The following SPAG16 variants were observed in gnomAD, a reference collection of about 807,000 sequenced individuals.
SPAG16 encodes the protein sperm-associated antigen 16 protein.
Under a neutral mutation model 80.4 loss-of-function variants are expected in SPAG16, and 86 were observed. The observed-to-expected ratio is 1.07, with a 90% CI of 0.90 to 1.28. SPAG16 has a LOEUF of 1.28. Ranked by LOEUF, SPAG16 falls within the 50% of genes most tolerant of loss-of-function variation. The pLI, the probability that SPAG16 is intolerant of heterozygous loss-of-function variation, is 0.00. For synonymous variants in SPAG16, 294 were observed against 265.9 expected (o/e 1.11, Z -1.03); for missense variants, 870 against 765.3 (o/e 1.14, Z -1.61).
At chr2:213,640,054 A>G (rs534892468) in intron 10 of SPAG16, among the ~76,000 whole-genome samples, 4 of 151,726 alleles carry the variant, frequency 2.6e-5, no homozygotes, top group Non-Finnish European at 5.9e-5. Flanking sequence ...GGTATTTTGT[A>G]TTTATCTAAG....
chr2:213,704,461 C>G (rs377152514), intron 10 of SPAG16, among the ~76,000 whole-genome samples: 1 of 152,250 alleles, frequency 6.6e-6, no homozygotes, highest in Admixed American at 6.5e-5. Context: ...TCACAGCCCA[C>G]TTACACAATT....
At chr2:213,811,743 G>T (rs982136411) in intron 10 of SPAG16, among the ~76,000 whole-genome samples, 4 of 152,090 alleles carry the variant, frequency 2.6e-5, no homozygotes, top group Non-Finnish European at 5.9e-5. Flanking sequence ...AATTATTTTT[G>T]CTGGTATAAT....
chr2:213,388,742 T>C (rs1045484313), intron 9 of SPAG16, among the ~76,000 whole-genome samples: 1 of 152,130 alleles, frequency 6.6e-6, no homozygotes, highest in South Asian at 2.1e-4. Flanking sequence ...TTTAAAGTAG[T>C]GTCAAAAGAA....
chr2:213,367,192 G>T (rs985487914), intron 8 of SPAG16, among the ~76,000 whole-genome samples: 18 of 151,912 alleles, frequency 1.2e-4, no homozygotes, highest in Middle Eastern at 3.4e-3. Context: ...TATCATTGAT[G>T]GACATTTGGG....
chr2:214,311,463 C>G (rs551923639), intron 15 of SPAG16: 2 of 152,500 alleles, frequency 1.3e-5, no homozygotes, highest in South Asian at 4.1e-4. Flanking sequence ...CACCAACAAA[C>G]AGCATTGTTC....
chr2:214,071,642 T>A (rs767665938), intron 13 of SPAG16, among the ~76,000 whole-genome samples: 3 of 152,144 alleles, frequency 2.0e-5, no homozygotes, highest in Non-Finnish European at 2.9e-5. Flanking sequence ...GCACCAATTA[T>A]ACAGAAGAGG....
At chr2:213,859,744 C>T (rs1379368192) in intron 10 of SPAG16, among the ~76,000 whole-genome samples, 1 of 152,122 alleles carries the variant, frequency 6.6e-6, no homozygotes, top group Non-Finnish European at 1.5e-5. Context: ...TCTCTACTAA[C>T]TCTGTTTACA....
At chr2:214,368,463 C>A (rs1222774005) in intron 15 of SPAG16, among the ~76,000 whole-genome samples, 1 of 152,090 alleles carries the variant, frequency 6.6e-6, no homozygotes, top group Non-Finnish European at 1.5e-5. Context: ...TTTTTCTTTT[C>A]TCAGCATAAG....
At chr2:214,071,773 A>G (rs901954485) in intron 13 of SPAG16, among the ~76,000 whole-genome samples, 5 of 151,930 alleles carry the variant, frequency 3.3e-5, no homozygotes, top group African/African-American at 1.2e-4. Flanking sequence ...TGTTATATAT[A>G]TTTCTTTGGT....
intron 10 of SPAG16, among the ~76,000 whole-genome samples, chr2:213,690,984 T>G (rs1038266097): frequency 1.3e-5 from 2 of 152,158 alleles, no homozygotes; most frequent in African/African-American, 2.4e-5. Flanking sequence ...GATATATATA[T>G]AGATCCTATT....
At chr2:213,422,972 G>A (rs1018458678) in intron 9 of SPAG16, among the ~76,000 whole-genome samples, 5 of 152,218 alleles carry the variant, frequency 3.3e-5, no homozygotes, top group African/African-American at 7.2e-5. Context: ...TGACAGCAAG[G>A]CTGTCTTCTC....
intron 1 of SPAG16, among the ~76,000 whole-genome samples, chr2:213,290,435 G>A (rs1182886603): frequency 6.6e-6 from 1 of 152,152 alleles, no homozygotes; most frequent in Non-Finnish European, 1.5e-5. Context: ...TAGAAAACAA[G>A]GCACAGTATT....
At chr2:214,001,727 A>G (rs978997051) in intron 12 of SPAG16, among the ~76,000 whole-genome samples, 57 of 152,216 alleles carry the variant, frequency 3.7e-4, no homozygotes, top group African/African-American at 1.2e-3. Flanking sequence ...TAAACTCTGT[A>G]AAAAATCTGT....
At chr2:214,299,601 A>G (rs995253041) in intron 15 of SPAG16, among the ~76,000 whole-genome samples, 1 of 152,168 alleles carries the variant, frequency 6.6e-6, no homozygotes, top group African/African-American at 2.4e-5. Context: ...TAAAGAAAAA[A>G]TAATAGTAAA....
chr2:213,661,075 A>G (rs1431700056), intron 10 of SPAG16, among the ~76,000 whole-genome samples: 2 of 152,150 alleles, frequency 1.3e-5, no homozygotes, highest in Non-Finnish European at 2.9e-5. Context: ...ACTCCAACAT[A>G]TAGGTAGCCT....
At chr2:213,519,124 G>A (rs1038287353) in intron 10 of SPAG16, among the ~76,000 whole-genome samples, 1 of 152,144 alleles carries the variant, frequency 6.6e-6, no homozygotes, top group Non-Finnish European at 1.5e-5. Flanking sequence ...CTACCCGAGT[G>A]CAATATACCC....
chr2:213,816,640 T>C (rs2072556801), intron 10 of SPAG16, among the ~76,000 whole-genome samples: 1 of 152,094 alleles, frequency 6.6e-6, no homozygotes, highest in South Asian at 2.1e-4. Flanking sequence ...CCAGAACATA[T>C]TTTATATCTT....
At chr2:213,818,074 ACT>A (rs879631401) in intron 10 of SPAG16, among the ~76,000 whole-genome samples, 12 of 152,060 alleles carry the variant, frequency 7.9e-5, no homozygotes, top group Admixed American at 5.9e-4. Flanking sequence ...ATAAAGAAGG[ACT>A]CTCTCTGCAA....
intron 10 of SPAG16, among the ~76,000 whole-genome samples, chr2:213,722,028 A>G (rs2066556366): frequency 6.6e-6 from 1 of 152,236 alleles, no homozygotes; most frequent in African/African-American, 2.4e-5. Flanking sequence ...CATTTCACTA[A>G]CTGAAATTGG....
Sources: allele counts gnomAD v4.1 joint callset (sites outside exome capture counted in the v4.1 genomes callset), GRCh38; gene constraint gnomAD v4.1.1; transcripts MANE v1.5; gene names NCBI Gene and HGNC (gene_info 2026-07-23, HGNC 2026-07-21).